Variants in LRP1B observed in about 807,000 individuals in gnomAD.
LRP1B encodes the protein low-density lipoprotein receptor-related protein 1B.
Under a neutral mutation model 556.6 loss-of-function variants are expected in LRP1B, and 217 were observed. The ratio of observed to expected loss-of-function variants is 0.39; its 90% CI spans 0.35 to 0.44. The LOEUF is 0.44. Ranked by LOEUF, LRP1B falls within the 20% of genes least tolerant of loss-of-function variation. The pLI, the probability that LRP1B is intolerant of heterozygous loss-of-function variation, is 1.00. For synonymous variants in LRP1B, 2,047 were observed against 1,865.8 expected (o/e 1.10, Z -2.50); for missense variants, 5,053 against 5,620.8 (o/e 0.90, Z 3.23).
At chr2:140,988,592 A>C (rs1007129447) in intron 17 of LRP1B, among the ~76,000 whole-genome samples, 2 of 152,122 alleles carry the variant, frequency 1.3e-5, no homozygotes, top group Non-Finnish European at 2.9e-5. Context: ...AAGTGCAGAG[A>C]GGTATGTCTT....
intron 46 of LRP1B, among the ~76,000 whole-genome samples, chr2:140,534,912 C>T (rs914568707): frequency 6.6e-6 from 1 of 152,094 alleles, no homozygotes; most frequent in African/African-American, 2.4e-5. Context: ...CCTAGTCACA[C>T]TAGGGTTTGC....
chr2:141,359,711 G>C (rs13392847), intron 3 of LRP1B, among the ~76,000 whole-genome samples: 1 of 152,054 alleles, frequency 6.6e-6, no homozygotes, highest in Non-Finnish European at 1.5e-5. Flanking sequence ...GGCCAAGATC[G>C]TGCCACCGCA....
At chr2:141,148,648 G>A (rs1392127538) in intron 7 of LRP1B, among the ~76,000 whole-genome samples, 3 of 152,038 alleles carry the variant, frequency 2.0e-5, no homozygotes, top group South Asian at 4.2e-4. Flanking sequence ...TATCTATAAC[G>A]CCAACAAGAG....
At chr2:141,017,003 T>G (rs1697917893) in intron 12 of LRP1B, among the ~76,000 whole-genome samples, 1 of 152,116 alleles carries the variant, frequency 6.6e-6, no homozygotes, top group Admixed American at 6.6e-5. Context: ...TCATACCAAT[T>G]AAGCTCTTTT....
chr2:140,921,521 C>T (rs1057282193), intron 21 of LRP1B, among the ~76,000 whole-genome samples: 1 of 151,832 alleles, frequency 6.6e-6, no homozygotes, highest in Non-Finnish European at 1.5e-5. Context: ...TCTATTTATG[C>T]CATCAATAAT....
intron 35 of LRP1B, among the ~76,000 whole-genome samples, chr2:140,721,134 CT>C (rs1265958352): frequency 6.6e-6 from 1 of 152,074 alleles, no homozygotes; most frequent in Non-Finnish European, 1.5e-5. Flanking sequence ...TGGCTATGAT[CT>C]TCTAATGCTT....
At chr2:140,493,428 A>T (rs1474361236) in intron 56 of LRP1B, among the ~76,000 whole-genome samples, 3 of 152,208 alleles carry the variant, frequency 2.0e-5, no homozygotes, top group Non-Finnish European at 4.4e-5. Flanking sequence ...ATTTGGAAAC[A>T]AAACGATTTC....
chr2:140,291,794 G>C (rs1205463082), intron 84 of LRP1B, among the ~76,000 whole-genome samples: 1 of 152,106 alleles, frequency 6.6e-6, no homozygotes, highest in East Asian at 1.9e-4. Flanking sequence ...CTTAATAGCA[G>C]CATGATTTAT....
chr2:140,536,418 C>G (rs528765286), intron 46 of LRP1B, among the ~76,000 whole-genome samples, 163 bp downstream of exon 46: 14 of 146,270 alleles, frequency 9.6e-5, no homozygotes, highest in African/African-American at 3.1e-4. Context: ...GATAAAGTAC[C>G]TCATTTTAAC....
chr2:141,105,379 CTT>C (rs1700579391), intron 7 of LRP1B, among the ~76,000 whole-genome samples: 1 of 151,982 alleles, frequency 6.6e-6, no homozygotes, highest in African/African-American at 2.4e-5. Flanking sequence ...AATCCAGACA[CTT>C]TAAACCTGTG....
chr2:140,721,267 G>A (rs1486584672), intron 35 of LRP1B, among the ~76,000 whole-genome samples: 1 of 151,982 alleles, frequency 6.6e-6, no homozygotes, highest in Non-Finnish European at 1.5e-5. Context: ...CTGTTTGTCT[G>A]ATTCTAAAAA....
At chr2:140,370,624 T>C (rs751557723) in intron 71 of LRP1B, 86 bp downstream of exon 71, 11 of 1,484,998 alleles carry the variant, frequency 7.4e-6, no homozygotes, top group Non-Finnish European at 9.1e-6. Flanking sequence ...TTCTATCCTC[T>C]GCCTCTAGCA....
At chr2:140,770,199 C>T (rs1035759542) in intron 34 of LRP1B, among the ~76,000 whole-genome samples, 7 of 151,496 alleles carry the variant, frequency 4.6e-5, no homozygotes, top group South Asian at 2.1e-4. Flanking sequence ...TGAATTAATA[C>T]GTTTAAGGTG....
At chr2:140,466,124 C>CTTTTTTT (rs74381027) in intron 60 of LRP1B, among the ~76,000 whole-genome samples, 14 of 125,684 alleles carry the variant, frequency 1.1e-4, no homozygotes, top group South Asian at 2.5e-4. Flanking sequence ...TTTCTTTTTT[C>CTTTTTTT]TTTTTTTTTT....
chr2:141,479,595 T>A (rs1682840263), intron 3 of LRP1B, among the ~76,000 whole-genome samples: 1 of 152,176 alleles, frequency 6.6e-6, no homozygotes, highest in Non-Finnish European at 1.5e-5. Context: ...TCTATGAGAA[T>A]CTGAGTTAAA....
At chr2:141,358,637 T>C (rs1688711859) in intron 3 of LRP1B, among the ~76,000 whole-genome samples, 1 of 152,248 alleles carries the variant, frequency 6.6e-6, no homozygotes, top group Admixed American at 6.5e-5. Flanking sequence ...TAGTAGATTG[T>C]TAGTTCTACG....
chr2:141,757,883 T>G (rs1694379927), intron 2 of LRP1B, among the ~76,000 whole-genome samples: 2 of 140,244 alleles, frequency 1.4e-5, no homozygotes, highest in African/African-American at 5.3e-5. Flanking sequence ...CAGAGCCCCA[T>G]AGCTTATTAA....
intron 2 of LRP1B, among the ~76,000 whole-genome samples, chr2:141,584,525 C>T (rs1482248421): frequency 6.6e-6 from 1 of 152,138 alleles, no homozygotes; most frequent in Non-Finnish European, 1.5e-5. Context: ...AAATGTCTGT[C>T]AAATATTTAC....
At chr2:141,663,799 A>C (rs1470757475) in intron 2 of LRP1B, among the ~76,000 whole-genome samples, 1 of 152,086 alleles carries the variant, frequency 6.6e-6, no homozygotes, top group African/African-American at 2.4e-5. Context: ...AACTATTCAA[A>C]CCAACTGAAA....
Sources: allele counts gnomAD v4.1 joint callset (sites outside exome capture counted in the v4.1 genomes callset), GRCh38; gene constraint gnomAD v4.1.1; transcripts MANE v1.5; gene names NCBI Gene and HGNC (gene_info 2026-07-23, HGNC 2026-07-21).